Variants in COL4A6 observed in about 807,000 individuals in gnomAD.
COL4A6 encodes the protein collagen type IV alpha 6 chain.
A neutral mutation model predicts 126.7 loss-of-function variants in COL4A6; 59 were observed. The observed-to-expected ratio is 0.47, with a 90% CI of 0.38 to 0.58. COL4A6 has a LOEUF of 0.58. COL4A6 is among the 20% of genes least tolerant of loss of function. The probability of loss-of-function intolerance (pLI) is 0.00; values close to 1 mark genes in which losing one functional copy is unlikely to be tolerated. For synonymous variants in COL4A6, 547 were observed against 496.6 expected, an observed-to-expected ratio of 1.10 and a Z score of -1.35; for missense variants, 1,285 against 1,337.3, an observed-to-expected ratio of 0.96 and a Z score of 0.61.
At chrX:108,300,422 T>C (rs2038456540) in intron 3 of COL4A6, among the ~76,000 whole-genome samples, 1 of 102,183 alleles carries the variant, frequency 9.8e-6, no homozygotes. Flanking sequence ...AGAAAACCAC[T>C]GAAAGAAAGC....
rs548488055 is a variant in COL4A6, at chrX:108,352,364, C to T, written c.64-41536G>A. 8.0e-5 allele frequency among the ~76,000 whole-genome samples: 9 copies of T among 112,647 alleles called. No individual in the cohort carries two copies. In the South Asian group the frequency reaches 3.3e-3, roughly 42 times the overall value. On this transcript the variant is annotated intron_variant, in intron 2 of 44. Transcript: ENST00000334504. The stretch of plus-strand genomic sequence containing the variant: ...TGCCAGGCAACAAGGAGTCAATGTA[C>T]TTTGCATGCATATTTCACAGAATCC...
intron 2 of COL4A6, among the ~76,000 whole-genome samples, chrX:108,344,152 C>T (rs992298076): frequency 1.5e-4 from 17 of 111,162 alleles, no homozygotes; most frequent in African/African-American, 4.9e-4. Flanking sequence ...AGTTCCAGGA[C>T]AGGACTCCAT....
chrX:108,371,759 TAAAC>T (rs753441227), intron 2 of COL4A6, among the ~76,000 whole-genome samples: 1 of 91,447 alleles, frequency 1.1e-5, no homozygotes, highest in Admixed American at 1.3e-4. Flanking sequence ...CCTTTCTCAA[TAAAC>T]AAACAAACAA....
chrX:108,292,993 C>CAAAAAAA (rs149076547), intron 3 of COL4A6, among the ~76,000 whole-genome samples: 12 of 14,551 alleles, frequency 8.2e-4, no homozygotes, highest in African/African-American at 8.8e-4. Flanking sequence ...AGGAAAAAAG[C>CAAAAAAA]AAAAAAAAAA....
At position 108,211,791 on chromosome X, in the gene COL4A6, T is replaced by C. The variant is rs1022730158; in HGVS notation, c.442-51A>G. On this transcript the variant is annotated intron_variant, in intron 6 of 44. Transcript: ENST00000334504. ...AAGAAATACACACACTTACAGTCTT[T>C]TTAATTGCATTATCTGATCAGATAG... is the stretch of plus-strand genomic sequence containing the variant. 2.9e-6 allele frequency: 3 copies of C among 1,050,709 alleles called. No homozygotes were observed. The African/African-American group carries it at 5.5e-5, about 19-fold the overall frequency. 86.6% of individuals were successfully genotyped at this position (1,050,709 alleles called of 1,213,427 possible).
intron 3 of COL4A6, among the ~76,000 whole-genome samples, chrX:108,254,756 T>C (rs1307303388): frequency 9.0e-6 from 1 of 110,687 alleles, no homozygotes; most frequent in African/African-American, 3.3e-5. Context: ...GTAGGCACTC[T>C]AAATATACCT....
At chrX:108,220,752 C>T (rs896546372) in intron 4 of COL4A6, among the ~76,000 whole-genome samples, 1 of 112,544 alleles carries the variant, frequency 8.9e-6, no homozygotes, top group African/African-American at 3.2e-5. Context: ...GGTGTGCTTG[C>T]TATGGGAGTC....
At chrX:108,348,648 A>AG (rs1277986561) in intron 2 of COL4A6, among the ~76,000 whole-genome samples, 1 of 111,833 alleles carries the variant, frequency 8.9e-6, no homozygotes, top group Non-Finnish European at 1.9e-5. Flanking sequence ...ATCAATTGAG[A>AG]CAAGGGATTA....
chrX:108,222,538 C>CA (rs2036047314), intron 3 of COL4A6, among the ~76,000 whole-genome samples: 1 of 111,925 alleles, frequency 8.9e-6, no homozygotes, highest in Non-Finnish European at 1.9e-5. Context: ...ACTGGAGATG[C>CA]AAGTGGCCAC....
At chrX:108,255,497 C>T (rs756873962) in intron 3 of COL4A6, among the ~76,000 whole-genome samples, 1 of 111,402 alleles carries the variant, frequency 9.0e-6, no homozygotes, top group African/African-American at 3.3e-5. Flanking sequence ...CTTGCCTGCC[C>T]AAGGTCTGCC....
chrX:108,162,236 G>A (rs1402010666), intron 41 of COL4A6, among the ~76,000 whole-genome samples: 2 of 110,485 alleles, frequency 1.8e-5, no homozygotes, highest in Non-Finnish European at 3.8e-5. Context: ...TGTAGTCCCC[G>A]CTACTCCGGA....
intron 3 of COL4A6, among the ~76,000 whole-genome samples, chrX:108,273,105 C>G (rs951514580): frequency 2.3e-4 from 25 of 110,140 alleles, no homozygotes; most frequent in African/African-American, 6.9e-4. Flanking sequence ...CCACGACAGG[C>G]CCCGGTGTGT....
chrX:108,413,058 A>G (rs1354447819), intron 2 of COL4A6, among the ~76,000 whole-genome samples: 3 of 112,150 alleles, frequency 2.7e-5, no homozygotes, highest in Admixed American at 1.9e-4. Flanking sequence ...AGAGTAGGTT[A>G]TAGACCCTTA....
intron 3 of COL4A6, among the ~76,000 whole-genome samples, chrX:108,308,801 A>G (rs1030658814): frequency 8.9e-6 from 1 of 112,132 alleles, no homozygotes; most frequent in Non-Finnish European, 1.9e-5. Flanking sequence ...CCAGGTAATT[A>G]TGATCCTTAG....
Position 108,162,950 on chromosome X carries a change from G to A in COL4A6, c.4158C>T (p.Ile1386=), listed in dbSNP as rs761811867. ...VPPGPLGLPG[I]DGIPGLTGDP... is the part of the protein sequence containing the mutation. ...CCCCAGTGAGGCCAGGGATGCCATC[G>A]ATCCCTGGTAGACCCAAGGGTCCAG... Residue 1386 remains isoleucine (I), a synonymous_variant, in exon 41 of 45, where the codon ATC becomes ATT. Transcript: ENST00000334504. 14 of 1,198,485 alleles carry A rather than the reference G, an allele frequency of 1.2e-5. No homozygotes were observed. The highest frequency in any genetic ancestry group is 2.3e-5 in the Admixed American group (1 of 44,323).
intron 13 of COL4A6, among the ~76,000 whole-genome samples, chrX:108,197,856 C>G (rs2035269987): frequency 9.2e-6 from 1 of 108,810 alleles, no homozygotes; most frequent in South Asian, 4.1e-4. Flanking sequence ...TACCTGTTCT[C>G]TTTTCTGCAT....
At chrX:108,413,070 T>C (rs1050654026) in intron 2 of COL4A6, among the ~76,000 whole-genome samples, 1 of 112,063 alleles carries the variant, frequency 8.9e-6, no homozygotes, top group African/African-American at 3.2e-5. Context: ...AGACCCTTAA[T>C]GTTTAGTATT....
chrX:108,348,005 G>T (rs906446081), intron 2 of COL4A6, among the ~76,000 whole-genome samples: 1 of 111,100 alleles, frequency 9.0e-6, no homozygotes, highest in Non-Finnish European at 1.9e-5. Context: ...TGCAGGAGGG[G>T]GTTGTTTTCT....
At chrX:108,313,417 T>C (rs941491809) in intron 2 of COL4A6, among the ~76,000 whole-genome samples, 7 of 112,076 alleles carry the variant, frequency 6.2e-5, no homozygotes, top group Non-Finnish European at 1.3e-4. Context: ...ATTATTTTTA[T>C]TATAATTATT....
Sources: allele counts gnomAD v4.1 joint callset (sites outside exome capture counted in the v4.1 genomes callset), GRCh38; gene constraint gnomAD v4.1.1; transcripts MANE v1.5; gene names NCBI Gene and HGNC (gene_info 2026-07-23, HGNC 2026-07-21).